GRIK1: variants seen among roughly 807,000 people sequenced by gnomAD.
GRIK1 encodes glutamate receptor ionotropic, kainate 1.
GRIK1 carries 69 observed loss-of-function variants against 105.7 expected under a neutral mutation model. The ratio of observed to expected loss-of-function variants is 0.65; its 90% CI spans 0.54 to 0.80. GRIK1 has a LOEUF of 0.80. Ranked by LOEUF, GRIK1 falls within the 30% of genes least tolerant of loss-of-function variation. The pLI is 0.00. For synonymous variants in GRIK1, 438 were observed against 431.3 expected (o/e 1.02, Z -0.19); for missense variants, 1,109 against 1,167.3 (o/e 0.95, Z 0.73).
intron 1 of GRIK1, among the ~76,000 whole-genome samples, chr21:29,723,515 T>C (rs1418647359): frequency 3.3e-5 from 5 of 152,234 alleles, no homozygotes; most frequent in Non-Finnish European, 7.3e-5. Flanking sequence ...GGAGAGCTTA[T>C]TGAAACAAAT....
At chr21:29,775,955 AGGTTC>A (rs1457351849) in intron 1 of GRIK1, among the ~76,000 whole-genome samples, 10 of 152,228 alleles carry the variant, frequency 6.6e-5, no homozygotes, top group Non-Finnish European at 1.3e-4. Context: ...AATTGACTCA[AGGTTC>A]AGCATGGCTG....
chr21:29,885,255 A>T (rs1230120902), intron 1 of GRIK1, among the ~76,000 whole-genome samples: 2 of 152,022 alleles, frequency 1.3e-5, no homozygotes, highest in Non-Finnish European at 2.9e-5. Context: ...TGGACGTTGT[A>T]TGGTTAAATA....
In GRIK1 at chr21:29,689,894, G is replaced by T. The variant is rs778306255; in HGVS notation, c.378C>A (p.Leu126=). 28 of 1,613,582 alleles carry T rather than the reference G, an allele frequency of 1.7e-5. 1 individual carries two copies. The Middle Eastern group carries it at 4.9e-4, about 28-fold the overall frequency. Residue 126 remains leucine (L), a synonymous_variant, in exon 3 of 18, where the codon CTC becomes CTA. Coordinates refer to ENST00000327783, the MANE Select transcript of GRIK1 (RefSeq NM_001330994.2). ...AGCGGGTCTGTATGTGTGGAACTTC[G>T]AGAGCATTGCAAATAGACTGCACAG... is the stretch of plus-strand genomic sequence containing the variant. The part of the protein sequence containing the change: ...VSAVQSICNA[L]EVPHIQTRWK...
chr21:29,813,441 T>A (rs1454759257), intron 1 of GRIK1, among the ~76,000 whole-genome samples: 4 of 152,096 alleles, frequency 2.6e-5, no homozygotes, highest in Non-Finnish European at 4.4e-5. Context: ...GATTGAGAAA[T>A]CTCTGGGAAA....
chr21:29,868,748 G>A (rs1458296971), intron 1 of GRIK1, among the ~76,000 whole-genome samples: 1 of 151,780 alleles, frequency 6.6e-6, no homozygotes, highest in Non-Finnish European at 1.5e-5. Flanking sequence ...CACCTGTAAT[G>A]CATTGCTTCT....
intron 14 of GRIK1, among the ~76,000 whole-genome samples, chr21:29,573,548 A>C (rs2090807972): frequency 6.7e-6 from 1 of 148,322 alleles, no homozygotes; most frequent in African/African-American, 2.5e-5. Context: ...GAGACAGAAA[A>C]GATCAAAGTG....
chr21:29,565,035 C>T (rs979424098), intron 14 of GRIK1, among the ~76,000 whole-genome samples: 1 of 152,162 alleles, frequency 6.6e-6, no homozygotes, highest in Non-Finnish European at 1.5e-5. Context: ...CAGGGAGCTA[C>T]AGGGGAAGTC....
intron 1 of GRIK1, among the ~76,000 whole-genome samples, chr21:29,732,741 G>A (rs1265981554): frequency 6.6e-6 from 1 of 152,132 alleles, no homozygotes; most frequent in Non-Finnish European, 1.5e-5. Flanking sequence ...TAGTGGAATA[G>A]GGTTAGTTTA....
At chr21:29,697,622 C>G (rs1472606664) in intron 1 of GRIK1, among the ~76,000 whole-genome samples, 1 of 151,934 alleles carries the variant, frequency 6.6e-6, no homozygotes, top group Non-Finnish European at 1.5e-5. Context: ...TGGAGATGTA[C>G]CAAAAAAGTG....
chr21:29,747,791 T>C (rs548208390), intron 1 of GRIK1, among the ~76,000 whole-genome samples: 2 of 152,248 alleles, frequency 1.3e-5, no homozygotes, highest in African/African-American at 4.8e-5. Context: ...ATTGCACCAC[T>C]GCACTTCAGC....
intron 1 of GRIK1, among the ~76,000 whole-genome samples, chr21:29,862,242 C>A (rs1474861491): frequency 6.6e-6 from 1 of 152,152 alleles, no homozygotes; most frequent in Non-Finnish European, 1.5e-5. Context: ...CTTGCCTTGA[C>A]CTTTCAAATT....
intron 4 of GRIK1, among the ~76,000 whole-genome samples, chr21:29,662,740 C>T (rs758451972): frequency 1.6e-4 from 25 of 152,084 alleles, no homozygotes; most frequent in Non-Finnish European, 2.6e-4. Flanking sequence ...GGTGACTTGA[C>T]TTTGTTAATT....
chr21:29,600,623 A>T (rs533948565), intron 7 of GRIK1, among the ~76,000 whole-genome samples: 311 of 152,352 alleles, frequency 2.0e-3, no homozygotes, highest in Admixed American at 4.3e-3. Flanking sequence ...CCACGTATAT[A>T]TGTTGAATGT....
At chr21:29,836,514 T>C (rs754648070) in intron 1 of GRIK1, among the ~76,000 whole-genome samples, 1 of 152,178 alleles carries the variant, frequency 6.6e-6, no homozygotes, top group African/African-American at 2.4e-5. Flanking sequence ...GTAAAACATA[T>C]ACTAAATAAA....
intron 1 of GRIK1, chr21:29,748,198 G>A (rs1451942660): frequency 1.3e-5 from 2 of 152,202 alleles, no homozygotes; most frequent in Non-Finnish European, 2.9e-5. Context: ...TGATTCAAAA[G>A]AAGGTTGTTT....
At chr21:29,824,038 C>T (rs2145934627) in intron 1 of GRIK1, among the ~76,000 whole-genome samples, 1 of 151,906 alleles carries the variant, frequency 6.6e-6, no homozygotes, top group South Asian at 2.1e-4. Context: ...GTCAAAAGCA[C>T]AGAATCAGGG....
In GRIK1 at chr21:29,537,899, A is replaced by AT; in HGVS notation, c.2608-16_2608-15insA. 1 of 1,115,542 alleles carries AT rather than the reference A, an allele frequency of 9.0e-7. No individual in the cohort carries two copies. Among genetic ancestry groups the AT allele is most frequent in the Non-Finnish European group, 1.3e-6 (1 of 747,480 alleles). 69.1% of individuals were successfully genotyped at this position (1,115,542 alleles called of 1,614,324 possible). On this transcript the variant is annotated splice_polypyrimidine_tract_variant and intron_variant, in intron 16 of 17. Coordinates refer to ENST00000327783, the MANE Select transcript of GRIK1 (RefSeq NM_001330994.2). The stretch of plus-strand genomic sequence containing the variant: ...GACTTTCCTTTCTGATAAAAAAAAA[A>AT]GAAAAAAAAACAATTTTAAATTGTA...
Position 29,773,193 on chromosome 21 carries a change from T to A in GRIK1, c.119-79130A>T, listed in dbSNP as rs1459403015. Among the ~76,000 whole-genome samples the A allele has an allele frequency of 3.3e-5, 5 of 152,230 alleles. No homozygotes were observed. In the East Asian group the frequency reaches 9.6e-4, roughly 29 times the overall value. On this transcript the variant is annotated intron_variant, in intron 1 of 17. Coordinates refer to ENST00000327783, the MANE Select transcript of GRIK1 (RefSeq NM_001330994.2). ...AAAGCAGTAAGGAACAGGGCTCTCG[T>A]CTGCTTTGTATCAGTGTAAGTCCTT...
chr21:29,808,729 ATCTG>A (rs1337634627), intron 1 of GRIK1, among the ~76,000 whole-genome samples: 1 of 152,120 alleles, frequency 6.6e-6, no homozygotes, highest in Non-Finnish European at 1.5e-5. Context: ...CCTTTTGAAA[ATCTG>A]TCTTTCTGAT....
Sources: gnomAD v4.1 joint callset for allele counts (sites outside exome capture counted in the v4.1 genomes callset) on GRCh38, gnomAD v4.1.1 for gene constraint, MANE v1.5 for transcripts, NCBI Gene and HGNC (gene_info 2026-07-23, HGNC 2026-07-21) for gene names.